PSG3: variants seen among roughly 807,000 people sequenced by gnomAD.
The protein encoded by PSG3 is pregnancy-specific beta-1-glycoprotein 3.
Under a neutral mutation model 47.5 loss-of-function variants are expected in PSG3, and 61 were observed. The observed-to-expected ratio is 1.28, with a 90% CI of 1.05 to 1.59. The LOEUF is 1.59. Ranked by LOEUF, PSG3 falls within the 40% of genes most tolerant of loss-of-function variation. PSG3 has a pLI of 0.00. For synonymous variants in PSG3, 263 were observed against 198.4 expected (o/e 1.33, Z -2.74); for missense variants, 756 against 524.0 (o/e 1.44, Z -4.32).
At chr19:42,722,231 A>T in intron 6 of PSG3, 141 bp from the exon 7 acceptor site, 1 of 393,284 alleles carries the variant, frequency 2.5e-6, no homozygotes, top group Non-Finnish European at 4.5e-6. Context: ...GAAATTTCAT[A>T]TAATTTTTAG....
intron 5 of PSG3, among the ~76,000 whole-genome samples, chr19:42,728,244 T>G (rs1269481869): frequency 6.6e-6 from 1 of 152,194 alleles, no homozygotes; most frequent in Non-Finnish European, 1.5e-5. Flanking sequence ...TAGTTAATGG[T>G]AAGTCTTATA....
Position 42,738,873 on chromosome 19 carries a change from G to A in PSG3, c.281C>T (p.Ala94Val), listed in dbSNP as rs934146917. ...ATATACTGTTTCTCGTCCACTGTATGCAGGCCCATATATAATTATTTGACC... is the reference window on the plus strand; with the variant it reads ...ATATACTGTTTCTCGTCCACTGTATACAGGCCCATATATAATTATTTGACC... ...VDGQIIIYGP[A>V]YSGRETVYSN... Residue 94 changes from alanine (A) to valine (V), a missense_variant, in exon 2 of 7, where the codon GCA (alanine) becomes GTA (valine). Physicochemically the swap from Ala to Val is moderately conservative, Grantham distance 64. Coordinates refer to ENST00000327495, the MANE Select transcript of PSG3 (RefSeq NM_021016.4). 1 of 1,614,094 alleles carries A rather than the reference G, an allele frequency of 6.2e-7. No homozygotes were observed. The highest frequency in any genetic ancestry group is 2.2e-5 in the East Asian group (1 of 44,884).
chr19:42,733,325 A>G, intron 2 of PSG3: 2 of 655,112 alleles, frequency 3.1e-6, no homozygotes, highest in Non-Finnish European at 4.7e-6. Flanking sequence ...ACACAGGACC[A>G]GCAGTCACAG....
At chr19:42,733,187 G>T (rs1969505434) in intron 2 of PSG3, 125 bp from the exon 3 acceptor site, 3 of 1,501,804 alleles carry the variant, frequency 2.0e-6, no homozygotes, top group Admixed American at 2.2e-5. Context: ...CCCATGGCAG[G>T]TGTGTGTGTT....
intron 2 of PSG3, among the ~76,000 whole-genome samples, 181 bp downstream of exon 2, chr19:42,738,543 G>T (rs1261525465): frequency 6.6e-6 from 1 of 152,204 alleles, no homozygotes; most frequent in Non-Finnish European, 1.5e-5. Flanking sequence ...CTGGATGCGG[G>T]AAAGGAATTC....
intron 3 of PSG3, 34 bp downstream of exon 3, chr19:42,732,750 C>T (rs752509941): frequency 6.2e-6 from 10 of 1,614,136 alleles, no homozygotes; most frequent in Non-Finnish European, 6.8e-6. Flanking sequence ...TTTGGGATGG[C>T]AGACTGGCTC....
chr19:42,735,746 C>G (rs1320686609), intron 2 of PSG3, among the ~76,000 whole-genome samples: 3 of 152,182 alleles, frequency 2.0e-5, no homozygotes, highest in African/African-American at 7.2e-5. Flanking sequence ...AAATTTCAAG[C>G]TTGTTATATG....
Position 42,732,921 on chromosome 19 carries a change from T to G in PSG3, c.572A>C (p.His191Pro), listed in dbSNP as rs149768194. Residue 191 changes from histidine (H) to proline (P), a missense_variant, in exon 3 of 7, where the codon CAC becomes CCC. Coordinates refer to ENST00000327495, the MANE Select transcript of PSG3 (RefSeq NM_021016.4). ...TTTGTTTTTGGACAACTGCAAGCTG[T>G]GAGTCATAGGGAGGCTCTGACCATT... ...WMNGQSLPMT[H>P]SLQLSKNKRT... 7.0e-5 allele frequency: 113 copies of G among 1,614,144 alleles called. No homozygotes were observed. The African/African-American group carries it at 1.3e-3, about 19-fold the overall frequency.
intron 2 of PSG3, among the ~76,000 whole-genome samples, chr19:42,736,298 T>C (rs1247922305): frequency 1.3e-5 from 2 of 152,142 alleles, no homozygotes; most frequent in East Asian, 1.9e-4. Flanking sequence ...TTTTGAGATG[T>C]TTCTCATTCT....
In PSG3 at chr19:42,733,075, C is replaced by G. The variant is rs778911182; in HGVS notation, c.431-13G>C. On this transcript the variant is annotated splice_polypyrimidine_tract_variant and intron_variant, in intron 2 of 6. Transcript: ENST00000327495. ...TTGGGAGTCTCCACTGTGCAGAAAACAGAGAGAAGATTGCCCTGTGTGGCA... is the reference window on the plus strand; with the variant it reads ...TTGGGAGTCTCCACTGTGCAGAAAAGAGAGAGAAGATTGCCCTGTGTGGCA... 1.9e-6 allele frequency: 3 copies of G among 1,611,462 alleles called. No homozygotes were observed. In the Admixed American group the frequency reaches 5.0e-5, roughly 27 times the overall value.
In PSG3 at chr19:42,730,359, A is replaced by T. The variant is rs1238955929; in HGVS notation, c.710-303T>A. Among the ~76,000 whole-genome samples the T allele has an allele frequency of 4.6e-5, 7 of 152,122 alleles. No homozygotes were observed. In the East Asian group the frequency reaches 1.3e-3, roughly 29 times the overall value. ...TGGTACCCCTCCCAGTCCCTCCATAATCAGTTGACTGGCTGGCTCACCCTG... is the reference window on the plus strand; with the variant it reads ...TGGTACCCCTCCCAGTCCCTCCATATTCAGTTGACTGGCTGGCTCACCCTG... On this transcript the variant is annotated intron_variant, in intron 3 of 6. Coordinates refer to ENST00000327495, the MANE Select transcript of PSG3 (RefSeq NM_021016.4).
intron 2 of PSG3, chr19:42,734,068 G>A (rs1969521147): frequency 1.3e-5 from 2 of 152,194 alleles, no homozygotes; most frequent in South Asian, 2.1e-4. Context: ...GGATTCCAGA[G>A]TGAATCAGAG....
At chr19:42,735,874 A>C (rs1969555233) in intron 2 of PSG3, among the ~76,000 whole-genome samples, 1 of 152,196 alleles carries the variant, frequency 6.6e-6, no homozygotes, top group African/African-American at 2.4e-5. Context: ...TGGGGACTGC[A>C]GGCCTGTCCA....
At chr19:42,736,857 G>A (rs1025383692) in intron 2 of PSG3, among the ~76,000 whole-genome samples, 5 of 152,122 alleles carry the variant, frequency 3.3e-5, no homozygotes, top group Admixed American at 1.3e-4. Flanking sequence ...AACTCCAGGT[G>A]ATTTCTGCAC....
At chr19:42,725,544 A>T (rs1451783829) in intron 5 of PSG3, among the ~76,000 whole-genome samples, 4 of 152,204 alleles carry the variant, frequency 2.6e-5, no homozygotes, top group African/African-American at 7.2e-5. Flanking sequence ...AAAAGAGAAA[A>T]GTTTAAAATT....
At chr19:42,736,691 A>C (rs1375447011) in intron 2 of PSG3, among the ~76,000 whole-genome samples, 11 of 149,324 alleles carry the variant, frequency 7.4e-5, no homozygotes, top group Non-Finnish European at 1.0e-4. Flanking sequence ...TCTGGCAATT[A>C]TAAGAGTGGA....
At chr19:42,740,266 C>G in intron 1 of PSG3, 55 bp downstream of exon 1, 13 of 1,613,636 alleles carry the variant, frequency 8.1e-6, no homozygotes, top group Admixed American at 5.0e-5. Flanking sequence ...CAGGAGACCC[C>G]ATCCAGTCAC....
At chr19:42,725,164 T>A (rs111901458) in intron 5 of PSG3, among the ~76,000 whole-genome samples, 198 of 152,302 alleles carry the variant, frequency 1.3e-3, no homozygotes, top group African/African-American at 4.2e-3. Context: ...CCACTGTGTG[T>A]GGCATCTCGT....
intron 2 of PSG3, among the ~76,000 whole-genome samples, chr19:42,736,326 G>A (rs1383726812): frequency 3.3e-5 from 5 of 152,104 alleles, no homozygotes; most frequent in African/African-American, 7.2e-5. Context: ...TCTGGCAACC[G>A]GCTGACCTCA....
Sources: gnomAD v4.1 joint callset for allele counts (sites outside exome capture counted in the v4.1 genomes callset) on GRCh38, gnomAD v4.1.1 for gene constraint, MANE v1.5 for transcripts, NCBI Gene and HGNC (gene_info 2026-07-23, HGNC 2026-07-21) for gene names.